The following BMERB1 variants were observed in gnomAD, a reference collection of about 807,000 sequenced individuals.
BMERB1 encodes bMERB domain containing 1, also known as bMERB domain-containing protein 1.
BMERB1 carries 12 observed loss-of-function variants against 23.6 expected under a neutral mutation model. The observed-to-expected ratio is 0.51, with a 90% confidence interval of 0.33 to 0.82. BMERB1 has a LOEUF of 0.82. BMERB1 is among the 40% of genes least tolerant of loss of function. The probability of loss-of-function intolerance (pLI) is 0.03; values close to 1 mark genes in which losing one functional copy is unlikely to be tolerated. For missense variants in BMERB1, 247 were observed against 255.4 expected (o/e 0.97, Z 0.22); for synonymous variants, 122 against 96.6 (o/e 1.26, Z -1.54).
At chr16:15,570,586 T>G (rs1458587022) in intron 3 of BMERB1, among the ~76,000 whole-genome samples, 2 of 152,068 alleles carry the variant, frequency 1.3e-5, no homozygotes, top group Non-Finnish European at 2.9e-5. Flanking sequence ...GGGATCCTGA[T>G]CCAGACCCCA....
At chr16:15,450,214 G>A (rs936384358) in intron 1 of BMERB1, among the ~76,000 whole-genome samples, 1 of 152,048 alleles carries the variant, frequency 6.6e-6, no homozygotes, top group Non-Finnish European at 1.5e-5. Flanking sequence ...TTTTGTTTCA[G>A]CTTGATTGGT....
At chr16:15,534,610 A>C (rs1241695404) in intron 2 of BMERB1, among the ~76,000 whole-genome samples, 1 of 152,208 alleles carries the variant, frequency 6.6e-6, no homozygotes. Context: ...GGCCATAACT[A>C]GGAGAACTAG....
chr16:15,570,481 G>A (rs879606301), intron 3 of BMERB1, among the ~76,000 whole-genome samples: 1 of 152,040 alleles, frequency 6.6e-6, no homozygotes, highest in Non-Finnish European at 1.5e-5. Flanking sequence ...GTTGTGTCTT[G>A]TGGGATGTTG....
chr16:15,454,482 C>T (rs1881871493), intron 1 of BMERB1, among the ~76,000 whole-genome samples: 1 of 152,104 alleles, frequency 6.6e-6, no homozygotes, highest in Non-Finnish European at 1.5e-5. Context: ...GTGATGGGGA[C>T]ACAGAGGCGA....
intron 2 of BMERB1, among the ~76,000 whole-genome samples, chr16:15,527,153 G>A (rs1046124785): frequency 1.3e-5 from 2 of 151,850 alleles, no homozygotes; most frequent in South Asian, 4.2e-4. Flanking sequence ...TTCATACTGT[G>A]TGTAACCATC....
intron 1 of BMERB1, among the ~76,000 whole-genome samples, chr16:15,504,421 T>C (rs1023744533): frequency 6.6e-6 from 1 of 152,176 alleles, no homozygotes; most frequent in African/African-American, 2.4e-5. Context: ...GGGAATTCTT[T>C]ATGCTCTTTG....
At chr16:15,557,944 C>T (rs975082917) in intron 2 of BMERB1, among the ~76,000 whole-genome samples, 2 of 152,088 alleles carry the variant, frequency 1.3e-5, no homozygotes, top group Admixed American at 6.6e-5. Flanking sequence ...ACTCGGGAAG[C>T]TGAGGCAGAG....
At chr16:15,488,437 G>A (rs2051386324) in intron 1 of BMERB1, among the ~76,000 whole-genome samples, 1 of 152,148 alleles carries the variant, frequency 6.6e-6, no homozygotes, top group South Asian at 2.1e-4. Context: ...ACAGCAGGCA[G>A]GGGAGGTACA....
At chr16:15,469,085 A>G (rs2051207991) in intron 1 of BMERB1, among the ~76,000 whole-genome samples, 1 of 150,080 alleles carries the variant, frequency 6.7e-6, no homozygotes, top group South Asian at 2.1e-4. Context: ...CTTGTGTCTC[A>G]GCTAAGTAGC....
chr16:15,502,126 T>C (rs1010738840), intron 1 of BMERB1: 4 of 661,588 alleles, frequency 6.0e-6, no homozygotes, highest in Non-Finnish European at 1.1e-5. Flanking sequence ...TCATGTCTGC[T>C]TGACGCCAAT....
At chr16:15,435,469 T>G (rs1431625326) in intron 1 of BMERB1, among the ~76,000 whole-genome samples, 1 of 152,214 alleles carries the variant, frequency 6.6e-6, no homozygotes. Flanking sequence ...TGTTTTTCAT[T>G]AATAGGATAC....
chr16:15,556,524 C>T (rs1038999934), intron 2 of BMERB1, among the ~76,000 whole-genome samples: 1 of 152,234 alleles, frequency 6.6e-6, no homozygotes, highest in Admixed American at 6.5e-5. Flanking sequence ...TGTATCCTCT[C>T]TGTGCTTGCA....
At chr16:15,442,323 C>A (rs1240293247) in intron 1 of BMERB1, among the ~76,000 whole-genome samples, 12 of 149,322 alleles carry the variant, frequency 8.0e-5, no homozygotes, top group Non-Finnish European at 1.3e-4. Flanking sequence ...GAGTGAGACA[C>A]TGTCTCAAGA....
chr16:15,568,171 C>T (rs181560410), intron 3 of BMERB1, 115 bp downstream of exon 3: 2 of 786,160 alleles, frequency 2.5e-6, no homozygotes, highest in African/African-American at 3.5e-5. Flanking sequence ...GCAGTGCTCC[C>T]TGACTGCATG....
chr16:15,458,371 C>T (rs2051104863), intron 1 of BMERB1, among the ~76,000 whole-genome samples: 1 of 152,106 alleles, frequency 6.6e-6, no homozygotes, highest in Non-Finnish European at 1.5e-5. Flanking sequence ...TTTGCTGAAT[C>T]TTTGTGGAAT....
chr16:15,552,977 C>A (rs2030138760), intron 2 of BMERB1, among the ~76,000 whole-genome samples: 1 of 152,116 alleles, frequency 6.6e-6, no homozygotes, highest in African/African-American at 2.4e-5. Flanking sequence ...AGTTTGAGAC[C>A]AGCCTGAGCA....
intron 2 of BMERB1, among the ~76,000 whole-genome samples, chr16:15,521,910 A>C (rs1205647110): frequency 6.6e-6 from 1 of 152,108 alleles, no homozygotes; most frequent in Non-Finnish European, 1.5e-5. Flanking sequence ...ATCTTACTGC[A>C]GGCAAGAACT....
intron 1 of BMERB1, among the ~76,000 whole-genome samples, chr16:15,459,161 T>C (rs2150927115): frequency 1.3e-5 from 2 of 151,762 alleles, no homozygotes; most frequent in South Asian, 4.2e-4. Flanking sequence ...GGAATTAAAA[T>C]GGCACACTGG....
chr16:15,567,919 G>T, intron 2 of BMERB1, 64 bp from the exon 3 acceptor site: 1 of 1,441,464 alleles, frequency 6.9e-7, no homozygotes, highest in Non-Finnish European at 9.6e-7. Flanking sequence ...TGTTAACCGG[G>T]TGATGCTCAG....
Sources: gnomAD v4.1 joint callset for allele counts (sites outside exome capture counted in the v4.1 genomes callset) on GRCh38, gnomAD v4.1.1 for gene constraint, MANE v1.5 for transcripts, NCBI Gene and HGNC (gene_info 2026-07-23, HGNC 2026-07-21) for gene names.